IRF2BPL: variants seen among roughly 807,000 people sequenced by gnomAD.
The protein encoded by IRF2BPL is interferon regulatory factor 2 binding protein like.
In IRF2BPL, 13 loss-of-function variants were observed where a neutral mutation model predicts 51.2. The ratio of observed to expected loss-of-function variants is 0.25; its 90% CI spans 0.17 to 0.40. The LOEUF is 0.40. IRF2BPL is among the 10% of genes least tolerant of loss of function. The pLI, the probability that IRF2BPL is intolerant of heterozygous loss-of-function variation, is 1.00. For missense variants in IRF2BPL, 1,210 were observed against 1,111.8 expected, an observed-to-expected ratio of 1.09 and a Z score of -1.26; for synonymous variants, 768 against 509.2, an observed-to-expected ratio of 1.51 and a Z score of -6.84.
Position 77,026,523 on chromosome 14 carries a change from G to A in IRF2BPL, c.1270C>T (p.Pro424Ser). 6.2e-7 allele frequency: 1 copy of A among 1,613,732 alleles called. No homozygotes were observed. Among genetic ancestry groups the A allele is most frequent in the Non-Finnish European group, 8.5e-7 (1 of 1,180,014 alleles). ...GAGTACACGTTGCCCGAGCCCGTGGGGTACTCAATGAACAGCTTCAATTCG... is the reference window on the plus strand; with the variant it reads ...GAGTACACGTTGCCCGAGCCCGTGGAGTACTCAATGAACAGCTTCAATTCG... Reference protein sequence around the residue: ...DYELKLFIEYPTGSGNVYSSA... With the variant: ...DYELKLFIEYSTGSGNVYSSA... The change falls in exon 1 of 1, where the codon CCC (proline) becomes TCC (serine). Residue 424 changes from proline to serine, a missense_variant. Transcript: ENST00000238647.
chr14:77,027,331 G>A lies in IRF2BPL; in HGVS notation c.462C>T (p.Ala154=), dbSNP rs1287539054. 26 of 1,526,430 alleles carry A rather than the reference G, an allele frequency of 1.7e-5. No individual in the cohort carries two copies. Among genetic ancestry groups the A allele is most frequent in the East Asian group, 2.5e-5 (1 of 39,862 alleles). The allele number at this position is 1,526,430 out of a possible 1,614,324, so 94.6% of individuals were successfully genotyped here. Residue 154 remains alanine (A), a synonymous_variant, in exon 1 of 1, where the codon GCC becomes GCT. Coordinates refer to ENST00000238647, the MANE Select transcript of IRF2BPL (RefSeq NM_024496.4). ...CGGCGGCGGCGGCGGCGGCGGCGGCGGCAGCGCTTAGGCCGTAGCGCTCCA... is the reference window on the plus strand; with the variant it reads ...CGGCGGCGGCGGCGGCGGCGGCGGCAGCAGCGCTTAGGCCGTAGCGCTCCA... ...SGLERYGLSA[A]AAAAAAAAAA... is the part of the protein sequence containing the mutation.
rs757908364 is a variant in IRF2BPL at position 77,025,797 on chromosome 14, C to T, written c.1996G>A (p.Val666Met). ...GATGCCAAGCGGCGCTGCCCCGGCA[C>T]GGAGGCCGGCGAGACTGGGCTGCTG... Reference protein sequence around the residue: ...NSSSPVSPASVPGQRRLASRN... With the variant: ...NSSSPVSPASMPGQRRLASRN... The change falls in exon 1 of 1, where the codon GTG (valine) becomes ATG (methionine). Residue 666 changes from valine (V) to methionine (M), a missense_variant. Coordinates refer to ENST00000238647, the MANE Select transcript of IRF2BPL (RefSeq NM_024496.4). The T allele has an allele frequency of 7.4e-6, 12 of 1,611,364 alleles. No homozygotes were observed. The highest frequency in any genetic ancestry group is 1.3e-5 in the African/African-American group (1 of 75,022).
rs371546648 is a variant in IRF2BPL, at chr14:77,027,703, G to A, written c.90C>T (p.Phe30=). ...PRMPWAMIWD[F]SEPVCRGCVN... is the part of the protein sequence containing the mutation. ...CGCAACCGCGGCATACGGGTTCCGA[G>A]AAGTCCCAGATCATGGCCCAGGGCA... is the stretch of plus-strand genomic sequence containing the variant. The change falls in exon 1 of 1, where the codon TTC becomes TTT. Residue 30 remains phenylalanine (F), a synonymous_variant. Transcript: ENST00000238647. The A allele has an allele frequency of 1.8e-5, 29 of 1,610,152 alleles. No homozygotes were observed. In the African/African-American group the frequency reaches 2.6e-4, roughly 14 times the overall value.
At position 77,026,125 on chromosome 14, in the gene IRF2BPL, G is replaced by A; in HGVS notation, c.1668C>T (p.Gly556=). 1 of 1,565,830 alleles carries A rather than the reference G, an allele frequency of 6.4e-7. No individual in the cohort carries two copies. The highest frequency in any genetic ancestry group is 8.6e-7 in the Non-Finnish European group (1 of 1,162,244). ...GCTGTTCCTCGCCCAGCTTCAGCGC[G>A]CCCTCGGCTGAGTCCGGGGGCTCCG... ...ASPEPPDSAE[G]ALKLGEEQQR... The change falls in exon 1 of 1, where the codon GGC becomes GGT. Residue 556 remains glycine, a synonymous_variant. Coordinates refer to ENST00000238647, the MANE Select transcript of IRF2BPL (RefSeq NM_024496.4).
At position 77,027,232 on chromosome 14, in the gene IRF2BPL, C is replaced by T. The variant is rs2139975857; in HGVS notation, c.561G>A (p.Ala187=). 1.2e-6 allele frequency: 2 copies of T among 1,601,616 alleles called. No homozygotes were observed. Among genetic ancestry groups the T allele is most frequent in the South Asian group, 2.2e-5 (2 of 90,148 alleles). ...GGCCCCCCAGGCCGTTGGGCAGTCG[C>T]GCGGTGTGGCTGCTGCTTCCCAGGC... The part of the protein sequence containing the change: ...PVSLGSSSHT[A]RLPNGLGGPN... The change falls in exon 1 of 1, where the codon GCG becomes GCA. Residue 187 remains alanine (A), a synonymous_variant. Transcript: ENST00000238647.
rs1885079656 is a variant in IRF2BPL, at chr14:77,025,363, G to T, written c.*39C>A. ...GGGGAGGGGCCCTCAGGATTGGAGA[G>T]GAGCTGGTCTAGGGCAAAGGAGGTG... On this transcript the variant is annotated 3_prime_UTR_variant, in exon 1 of 1. Transcript: ENST00000238647. The T allele has an allele frequency of 7.0e-7, 1 of 1,438,046 alleles. No homozygotes were observed. The highest frequency in any genetic ancestry group is 9.4e-7 in the Non-Finnish European group (1 of 1,069,486). 89.1% of individuals were successfully genotyped at this position (1,438,046 alleles called of 1,614,324 possible).
rs564447795 is a variant in IRF2BPL, at chr14:77,025,353, G to T, written c.*49C>A. The T allele has an allele frequency of 1.8e-5, 25 of 1,386,498 alleles. No individual in the cohort carries two copies. In the Admixed American group the frequency reaches 5.7e-4, roughly 32 times the overall value. 85.9% of individuals were successfully genotyped at this position (1,386,498 alleles called of 1,614,324 possible). ...AGTTGGGTTGGGGGAGGGGCCCTCA[G>T]GATTGGAGAGGAGCTGGTCTAGGGC... On this transcript the variant is annotated 3_prime_UTR_variant, in exon 1 of 1. Transcript: ENST00000238647.
rs1228831051 is a variant in IRF2BPL, at chr14:77,026,033, G to A, written c.1760C>T (p.Ala587Val). ...LKLTMSAGGF[A>V]APGHAAGGPP... Reference sequence around the variant, plus strand: ...ACCCCCCGCCGCGTGCCCCGGCGCCGCGAAGCCCCCGGCGGACATGGTGAG... The same window carrying A: ...ACCCCCCGCCGCGTGCCCCGGCGCCACGAAGCCCCCGGCGGACATGGTGAG... The change falls in exon 1 of 1, where the codon GCG becomes GTG. Residue 587 changes from alanine (A) to valine (V), a missense_variant. Transcript: ENST00000238647. 1.3e-6 allele frequency: 2 copies of A among 1,564,024 alleles called. No homozygotes were observed. Among genetic ancestry groups the A allele is most frequent in the Non-Finnish European group, 1.7e-6 (2 of 1,156,358 alleles).
Position 77,026,900 on chromosome 14 carries a change from C to A in IRF2BPL, c.893G>T (p.Cys298Phe). Reference sequence around the variant, plus strand: ...CGATACACCCGGGGTACCCCCGAGACAAGCGGGGCCCCCAGGAGCCCCTGG... The same window carrying A: ...CGATACACCCGGGGTACCCCCGAGAAAAGCGGGGCCCCCAGGAGCCCCTGG... ...APPGAPGGPACLGGTPGVSAT... is the reference protein window; with the variant it reads ...APPGAPGGPAFLGGTPGVSAT... Residue 298 changes from cysteine (C) to phenylalanine (F), a missense_variant, in exon 1 of 1, where the codon TGT becomes TTT. Physicochemically the swap from Cys to Phe is radical, Grantham distance 205. Transcript: ENST00000238647. 1.3e-6 allele frequency: 2 copies of A among 1,515,824 alleles called. No individual in the cohort carries two copies. The highest frequency in any genetic ancestry group is 1.8e-6 in the Non-Finnish European group (2 of 1,132,978). 93.9% of individuals were successfully genotyped at this position (1,515,824 alleles called of 1,614,324 possible). A position where few individuals can be genotyped will look rare whatever the true frequency, so the allele number is the denominator to read the frequency against.
At position 77,026,731 on chromosome 14, in the gene IRF2BPL, C is replaced by T. The variant is rs1308348845; in HGVS notation, c.1062G>A (p.Leu354=). 6.2e-7 allele frequency: 1 copy of T among 1,612,492 alleles called. No homozygotes were observed. The highest frequency in any genetic ancestry group is 1.7e-5 in the Admixed American group (1 of 59,976). The change falls in exon 1 of 1, where the codon CTG becomes CTA. Residue 354 remains leucine (L), a synonymous_variant. Coordinates refer to ENST00000238647, the MANE Select transcript of IRF2BPL (RefSeq NM_024496.4). Reference sequence around the variant, plus strand: ...TGCGCAGGCTCTCGCTCAGCTCGGCCAGGGCCTCGGCGTTGCGCTGCTTCT... The same window carrying T: ...TGCGCAGGCTCTCGCTCAGCTCGGCTAGGGCCTCGGCGTTGCGCTGCTTCT... ...LKEKQRNAEA[L]AELSESLRNR... is the part of the protein sequence containing the mutation.
rs1337558770 is a variant in IRF2BPL, at chr14:77,026,972, G to T, written c.821C>A (p.Pro274His). ...GPASAAVLPP[P>H]PPHALGSRGP... The stretch of plus-strand genomic sequence containing the variant: ...ACGGCTGCCCAGGGCGTGGGGAGGG[G>T]GTGGGGGGAGTACCGCAGCGCTGGC... The change falls in exon 1 of 1, where the codon CCC becomes CAC. Residue 274 changes from proline (P) to histidine (H), a missense_variant. Pro to His is a moderately conservative substitution (Grantham distance 77). Transcript: ENST00000238647. 1.4e-6 allele frequency: 2 copies of T among 1,476,934 alleles called. No individual in the cohort carries two copies. The highest frequency in any genetic ancestry group is 5.0e-5 in the East Asian group (2 of 40,322). 91.5% of individuals were successfully genotyped at this position (1,476,934 alleles called of 1,614,324 possible).
In IRF2BPL at chr14:77,027,064, C is replaced by A. The variant is rs772083221; in HGVS notation, c.729G>T (p.Gly243=). The A allele has an allele frequency of 4.4e-6, 7 of 1,589,268 alleles. No individual in the cohort carries two copies. The African/African-American group carries it at 9.4e-5, about 21-fold the overall frequency. Residue 243 remains glycine (G), a synonymous_variant, in exon 1 of 1, where the codon GGG becomes GGT. Transcript: ENST00000238647. Reference sequence around the variant, plus strand: ...CGGTGAGCTGGGGGCCTCCGCCACCCCCCGGGTTGGGCAGCCCCGTAACCA... The same window carrying A: ...CGGTGAGCTGGGGGCCTCCGCCACCACCCGGGTTGGGCAGCCCCGTAACCA... ...GGLVTGLPNP[G]GGGGPQLTVP... is the part of the protein sequence containing the mutation.
rs749946421 is a variant in IRF2BPL, at chr14:77,027,092, C to T, written c.701G>A (p.Gly234Glu). The T allele has an allele frequency of 1.2e-6, 2 of 1,609,708 alleles. No individual in the cohort carries two copies. Among genetic ancestry groups the T allele is most frequent in the East Asian group, 4.5e-5 (2 of 44,762 alleles). ...CGGGTTGGGCAGCCCCGTAACCAGC[C>T]CACCGTGCGTTCCACGCCGAGACGC... ...SVASRRGTHG[G>E]LVTGLPNPGG... The change falls in exon 1 of 1, where the codon GGG becomes GAG. Residue 234 changes from glycine (G) to glutamate (E), a missense_variant. Coordinates refer to ENST00000238647, the MANE Select transcript of IRF2BPL (RefSeq NM_024496.4).
rs1555377448 is a variant in IRF2BPL at position 77,027,322 on chromosome 14, G to GGCGGCA, written c.470_471insTGCCGC (p.Ala163_Ala164dup). ...CCACCGCAGCGGCGGCGGCGGCGGC[G>GGCGGCA]GCGGCGGCGGCAGCGCTTAGGCCGT... On this transcript the variant is annotated inframe_insertion, in exon 1 of 1. Coordinates refer to ENST00000238647, the MANE Select transcript of IRF2BPL (RefSeq NM_024496.4). The GGCGGCA allele has an allele frequency of 2.6e-6, 4 of 1,534,982 alleles. No homozygotes were observed. In the Admixed American group the frequency reaches 8.9e-5, roughly 34 times the overall value.
In IRF2BPL at chr14:77,027,428, TGCTGC is replaced by T; in HGVS notation, c.360_364del (p.Gln121AlafsTer10). 7.2e-7 allele frequency: 1 copy of T among 1,395,176 alleles called. No individual in the cohort carries two copies. Among genetic ancestry groups the T allele is most frequent in the Non-Finnish European group, 9.4e-7 (1 of 1,059,848 alleles). The allele number at this position is 1,395,176 out of a possible 1,614,324, so 86.4% of individuals were successfully genotyped here. A position where few individuals can be genotyped will look rare whatever the true frequency, so the allele number is the denominator to read the frequency against. Reference sequence around the variant, plus strand: ...GTGGTTGAGCTGTTGTTGCTGCTGCTGCTGCTGCTGCTGCTGCTGCTGTTGCTGCT... The same window carrying T: ...GTGGTTGAGCTGTTGTTGCTGCTGCTTGCTGCTGCTGCTGCTGTTGCTGCT... On this transcript the variant is annotated frameshift_variant, in exon 1 of 1. Coordinates refer to ENST00000238647, the MANE Select transcript of IRF2BPL (RefSeq NM_024496.4). LOFTEE classifies it high-confidence loss of function.
chr14:77,025,565 G>A lies in IRF2BPL; in HGVS notation c.2228C>T (p.Ser743Phe). ...VPSHKFCFPC[S>F]RESIKAQGAT... ...CCCCTGGGCCTTGATACTCTCTCTAGAGCAAGGGAAGCAAAATTTGTGGCT... is the reference window on the plus strand; with the variant it reads ...CCCCTGGGCCTTGATACTCTCTCTAAAGCAAGGGAAGCAAAATTTGTGGCT... The change falls in exon 1 of 1, where the codon TCT becomes TTT. Residue 743 changes from serine (S) to phenylalanine (F), a missense_variant. Ser to Phe is a radical substitution (Grantham distance 155, BLOSUM62 -2). Transcript: ENST00000238647. The A allele has an allele frequency of 6.2e-7, 1 of 1,610,186 alleles. No individual in the cohort carries two copies. Among genetic ancestry groups the A allele is most frequent in the Non-Finnish European group, 8.5e-7 (1 of 1,178,422 alleles).
rs371633333 is a variant in IRF2BPL at position 77,027,304 on chromosome 14, A to AGCG, written c.486_488dup (p.Ala164dup). On this transcript the variant is annotated inframe_insertion, in exon 1 of 1. Transcript: ENST00000238647. ...CGAAGCGGCTGCGCTGTTCCACCGCAGCGGCGGCGGCGGCGGCGGCGGCGG... is the reference window on the plus strand; with the variant it reads ...CGAAGCGGCTGCGCTGTTCCACCGCAGCGGCGGCGGCGGCGGCGGCGGCGGCGG... 2.0e-3 allele frequency: 3,145 copies of AGCG among 1,537,808 alleles called. 8 individuals are homozygous for AGCG. Among genetic ancestry groups the AGCG allele is most frequent in the South Asian group, 5.2e-3 (434 of 84,028 alleles).
At position 77,027,513 on chromosome 14, in the gene IRF2BPL, CTGCCGCCGCCGCCGCCGCT is replaced by C. The variant is rs1566787064; in HGVS notation, c.261_279del (p.Ala88GlnfsTer58). The stretch of plus-strand genomic sequence containing the variant: ...GCGGCGGCGGCGGCGGCCGCCGCTG[CTGCCGCCGCCGCCGCCGCT>C]TCCTTAGCCGACAGGGCCACTGTCT... On this transcript the variant is annotated frameshift_variant, in exon 1 of 1. Coordinates refer to ENST00000238647, the MANE Select transcript of IRF2BPL (RefSeq NM_024496.4). LOFTEE classifies it high-confidence loss of function. 29 of 821,556 alleles carry C rather than the reference CTGCCGCCGCCGCCGCCGCT, an allele frequency of 3.5e-5. 1 individual carries two copies. Among genetic ancestry groups the C allele is most frequent in the Non-Finnish European group, 3.8e-5 (26 of 682,186 alleles). 50.9% of individuals were successfully genotyped at this position (821,556 alleles called of 1,614,324 possible). A position where few individuals can be genotyped will look rare whatever the true frequency, so the allele number is the denominator to read the frequency against.
Position 77,027,956 on chromosome 14 carries a change from G to A in IRF2BPL, c.-164C>T, listed in dbSNP as rs1885211994. ...GCTGGAGGGAACGCGAGTCTCCACC[G>A]CCGGCGCAGCGCCTCGCCGTGGGGG... is the stretch of plus-strand genomic sequence containing the variant. On this transcript the variant is annotated 5_prime_UTR_variant, in exon 1 of 1. Transcript: ENST00000238647. The A allele has an allele frequency of 2.4e-6, 2 of 842,738 alleles. No individual in the cohort carries two copies. Among genetic ancestry groups the A allele is most frequent in the Non-Finnish European group, 3.4e-6 (2 of 593,730 alleles). The allele number at this position is 842,738 out of a possible 1,614,324, so 52.2% of individuals were successfully genotyped here.
Sources: allele counts gnomAD v4.1 joint callset, GRCh38; gene constraint gnomAD v4.1.1; transcripts MANE v1.5; gene names NCBI Gene and HGNC (gene_info 2026-07-23, HGNC 2026-07-21).